The following FCRL5 variants were observed in gnomAD, a reference collection of about 807,000 sequenced individuals.
FCRL5 encodes Fc receptor-like protein 5.
Under a neutral mutation model 92.1 loss-of-function variants are expected in FCRL5, and 79 were observed. The observed-to-expected ratio is 0.86, with a 90% CI of 0.72 to 1.03. The LOEUF (loss-of-function observed/expected upper bound fraction) is 1.03, where lower values mean the gene tolerates loss of function less well. Among genes scored for constraint, FCRL5 ranks in the 50% least tolerant of loss-of-function variants. The probability of loss-of-function intolerance (pLI) is 0.00; values close to 1 mark genes in which losing one functional copy is unlikely to be tolerated. For synonymous variants in FCRL5, 466 were observed against 469.3 expected, an observed-to-expected ratio of 0.99 and a Z score of 0.09; for missense variants, 1,160 against 1,181.1, an observed-to-expected ratio of 0.98 and a Z score of 0.26.
rs1571094789 is a variant in FCRL5, at chr1:157,534,817, T to C, written c.1478A>G (p.His493Arg). 1.9e-6 allele frequency: 3 copies of C among 1,605,432 alleles called. No individual in the cohort carries two copies. The highest frequency in any genetic ancestry group is 2.6e-6 in the Non-Finnish European group (3 of 1,175,694). Reference protein sequence around the residue: ...LTFEGATVTLHCEVQRGSPQI... With the variant: ...LTFEGATVTLRCEVQRGSPQI... The stretch of plus-strand genomic sequence containing the variant: ...TGGGGAACCTCTCTGGACTTCACAG[T>C]GAAGTGTCACAGTGGCTCCTTCAAA... Residue 493 changes from histidine (H) to arginine (R), a missense_variant, in exon 8 of 17, where the codon CAC (histidine) becomes CGC (arginine). Transcript: ENST00000361835.
At chr1:157,520,777 G>T (rs111497567) in intron 11 of FCRL5, among the ~76,000 whole-genome samples, 4,263 of 152,314 alleles carry the variant, frequency 0.028, 185 homozygotes, top group African/African-American at 0.094. Flanking sequence ...GAGAGAGGAG[G>T]CAGCCAGGTG....
intron 7 of FCRL5, among the ~76,000 whole-genome samples, chr1:157,535,943 GT>G (rs60191062): frequency 2.2e-4 from 20 of 90,036 alleles, no homozygotes; most frequent in African/African-American, 3.4e-4. Context: ...ATGTGACTCA[GT>G]TTTTTTTTTT....
chr1:157,535,943 G>GTTTTTTTTTTTTTTTTTTTTTTT (rs60191062), intron 7 of FCRL5, among the ~76,000 whole-genome samples: 1 of 90,008 alleles, frequency 1.1e-5, no homozygotes, highest in East Asian at 4.2e-4. Flanking sequence ...ATGTGACTCA[G>GTTTTTTTTTTTTTTTTTTTTTTT]TTTTTTTTTT....
At chr1:157,519,151 G>A (rs907525905) in intron 13 of FCRL5, 4 of 191,194 alleles carry the variant, frequency 2.1e-5, no homozygotes, top group Non-Finnish European at 4.3e-5. Flanking sequence ...CATGCTCAGA[G>A]AGATCAGTGA....
intron 2 of FCRL5, among the ~76,000 whole-genome samples, chr1:157,548,426 T>G (rs1275888009): frequency 6.6e-6 from 1 of 152,162 alleles, no homozygotes; most frequent in African/African-American, 2.4e-5. Flanking sequence ...AAGCCAAAAT[T>G]GACAAATGGG....
At chr1:157,538,456 G>T (rs1349209363) in intron 7 of FCRL5, among the ~76,000 whole-genome samples, 3 of 152,206 alleles carry the variant, frequency 2.0e-5, no homozygotes, top group African/African-American at 7.2e-5. Context: ...AAACCTTTTT[G>T]ATGTCATAAC....
intron 5 of FCRL5, 28 bp downstream of exon 5, chr1:157,544,234 G>C: frequency 1.2e-6 from 2 of 1,609,052 alleles, no homozygotes; most frequent in South Asian, 2.2e-5. Context: ...CCTCTCTGCA[G>C]CAAATCTCAG....
chr1:157,521,202 C>G lies in FCRL5; in HGVS notation c.2330G>C (p.Arg777Thr). The G allele has an allele frequency of 9.9e-6, 16 of 1,614,114 alleles. No individual in the cohort carries two copies. Among genetic ancestry groups the G allele is most frequent in the Non-Finnish European group, 1.4e-5 (16 of 1,180,030 alleles). The change falls in exon 11 of 17, where the codon AGA becomes ACA. Residue 777 changes from arginine (R) to threonine (T), a missense_variant. Coordinates refer to ENST00000361835, the MANE Select transcript of FCRL5 (RefSeq NM_031281.3). ...CCGGTACAGGATCAGGGGAGAGCCTCTCAGGGCCTCACAGTGAAGCTCCAG... is the reference window on the plus strand; with the variant it reads ...CCGGTACAGGATCAGGGGAGAGCCTGTCAGGGCCTCACAGTGAAGCTCCAG... ...DLLELHCEAL[R>T]GSPLILYRFF...
intron 5 of FCRL5, 51 bp from the exon 6 acceptor site, chr1:157,543,188 A>G: frequency 6.4e-7 from 1 of 1,562,202 alleles, no homozygotes; most frequent in Non-Finnish European, 8.7e-7. Context: ...CTTACTGTAG[A>G]TTACAAGGCA....
In FCRL5 at chr1:157,539,160, G is replaced by A; in HGVS notation, c.1328C>T (p.Ser443Leu). The A allele has an allele frequency of 6.2e-7, 1 of 1,614,198 alleles. No individual in the cohort carries two copies. The highest frequency in any genetic ancestry group is 8.5e-7 in the Non-Finnish European group (1 of 1,180,034). Residue 443 changes from serine to leucine, a missense_variant, in exon 7 of 17, where the codon TCA becomes TTA. By Grantham distance (145) the Ser-to-Leu change is moderately radical. Coordinates refer to ENST00000361835, the MANE Select transcript of FCRL5 (RefSeq NM_031281.3). The part of the protein sequence containing the change: ...AISFSLTAEH[S>L]GNYYCTADNG... Reference sequence around the variant, plus strand: ...GTCAGCTGTGCAGTAGTAGTTCCCTGAATGCTCTGCAGTCAGAGAGAAGCT... The same window carrying A: ...GTCAGCTGTGCAGTAGTAGTTCCCTAAATGCTCTGCAGTCAGAGAGAAGCT...
intron 10 of FCRL5, 84 bp from the exon 11 acceptor site, chr1:157,521,376 A>G (rs905174842): frequency 2.8e-6 from 4 of 1,452,106 alleles, no homozygotes; most frequent in Admixed American, 2.6e-5. Context: ...AAATGTAAAA[A>G]GTCATATCTC....
At chr1:157,525,826 CA>C (rs1435668864) in intron 9 of FCRL5, among the ~76,000 whole-genome samples, 2 of 152,172 alleles carry the variant, frequency 1.3e-5, no homozygotes, top group Non-Finnish European at 2.9e-5. Context: ...ATGTGTTTCA[CA>C]GAGGTAGGAA....
chr1:157,527,056 C>T (rs1650462014), intron 9 of FCRL5, among the ~76,000 whole-genome samples: 1 of 152,134 alleles, frequency 6.6e-6, no homozygotes, highest in Non-Finnish European at 1.5e-5. Flanking sequence ...AACTAGGAGT[C>T]TGCCTGTGAC....
At chr1:157,534,040 C>T (rs1189199575) in intron 8 of FCRL5, 1 of 197,252 alleles carries the variant, frequency 5.1e-6, no homozygotes, top group Non-Finnish European at 1.1e-5. Flanking sequence ...GCACACGTTT[C>T]TTGAATGTAT....
intron 8 of FCRL5, chr1:157,532,988 GTTA>G (rs1650767270): frequency 6.6e-6 from 1 of 152,026 alleles, no homozygotes; most frequent in Admixed American, 6.6e-5. Context: ...AAAATTTTCG[GTTA>G]TTATTCTTCC....
intron 15 of FCRL5, chr1:157,516,084 C>T (rs1571069375): frequency 3.1e-6 from 2 of 638,832 alleles, no homozygotes; most frequent in Admixed American, 4.9e-5. Context: ...TTCAACTCCC[C>T]TTCACACTTT....
intron 10 of FCRL5, 144 bp downstream of exon 10, chr1:157,524,135 C>T: frequency 1.3e-6 from 1 of 750,584 alleles, no homozygotes; most frequent in Non-Finnish European, 2.2e-6. Flanking sequence ...GAGACTTTCA[C>T]AGGGAGGTTC....
At chr1:157,519,934 G>C (rs1650099552) in intron 12 of FCRL5, among the ~76,000 whole-genome samples, 164 bp from the exon 13 acceptor site, 1 of 152,120 alleles carries the variant, frequency 6.6e-6, no homozygotes. Context: ...AAAAACTACT[G>C]ACCCTGCCAG....
At chr1:157,550,415 G>A (rs1170647250) in intron 1 of FCRL5, among the ~76,000 whole-genome samples, 1 of 152,102 alleles carries the variant, frequency 6.6e-6, no homozygotes, top group African/African-American at 2.4e-5. Context: ...CAGACTCCAG[G>A]CTATACTCTT....
Sources: gnomAD v4.1 joint callset for allele counts (sites outside exome capture counted in the v4.1 genomes callset) on GRCh38, gnomAD v4.1.1 for gene constraint, MANE v1.5 for transcripts, NCBI Gene and HGNC (gene_info 2026-07-23, HGNC 2026-07-21) for gene names.